Variants in TMTC2 observed in about 807,000 individuals in gnomAD.
The protein encoded by TMTC2 is protein O-mannosyl-transferase TMTC2.
Under a neutral mutation model 82.4 loss-of-function variants are expected in TMTC2, and 43 were observed. That is an observed-to-expected ratio of 0.52 (90% CI 0.41 to 0.67). The LOEUF (loss-of-function observed/expected upper bound fraction) is 0.67, where lower values mean the gene tolerates loss of function less well. TMTC2 is among the 30% of genes least tolerant of loss of function. The probability of loss-of-function intolerance (pLI) is 0.00; values close to 1 mark genes in which losing one functional copy is unlikely to be tolerated. For synonymous variants in TMTC2, 408 were observed against 381.9 expected, an observed-to-expected ratio of 1.07 and a Z score of -0.80; for missense variants, 919 against 1,012.4, an observed-to-expected ratio of 0.91 and a Z score of 1.25.
In TMTC2 at chr12:83,114,208, G is replaced by C. The variant is rs183542152; in HGVS notation, c.2332-18002G>C. Among the ~76,000 whole-genome samples the C allele has an allele frequency of 1.7e-4, 26 of 152,228 alleles. No individual in the cohort carries two copies. The East Asian group carries it at 4.8e-3, about 28-fold the overall frequency. ...AGGTGGGGCCTTTGGGAGGTAATTAGAGTAGGTTAGGTCATGAGGGTGGAG... is the reference window on the plus strand; with the variant it reads ...AGGTGGGGCCTTTGGGAGGTAATTACAGTAGGTTAGGTCATGAGGGTGGAG... On this transcript the variant is annotated intron_variant, in intron 11 of 11. Transcript: ENST00000321196.
chr12:82,994,006 C>G (rs552508884), intron 8 of TMTC2, among the ~76,000 whole-genome samples: 1 of 152,184 alleles, frequency 6.6e-6, no homozygotes, highest in South Asian at 2.1e-4. Flanking sequence ...GAGCAGCGTG[C>G]ATGTAACAGG....
intron 4 of TMTC2, among the ~76,000 whole-genome samples, chr12:82,931,946 G>A (rs1312106473): frequency 6.6e-6 from 1 of 152,090 alleles, no homozygotes; most frequent in Non-Finnish European, 1.5e-5. Context: ...CACCTCCAGA[G>A]TTGGAATGGA....
chr12:83,030,088 A>G (rs940016490), intron 8 of TMTC2, among the ~76,000 whole-genome samples: 3 of 152,088 alleles, frequency 2.0e-5, no homozygotes, highest in African/African-American at 7.2e-5. Context: ...TTTTCATTAC[A>G]GGCCTGTAAA....
chr12:83,008,685 T>C lies in TMTC2; in HGVS notation c.2071-22113T>C, dbSNP rs555233408. Among the ~76,000 whole-genome samples the C allele has an allele frequency of 2.4e-3, 369 of 152,344 alleles. 2 individuals are homozygous for C. Among genetic ancestry groups the C allele is most frequent in the African/African-American group, 8.4e-3 (351 of 41,582 alleles). On this transcript the variant is annotated intron_variant, in intron 8 of 11. Coordinates refer to ENST00000321196, the MANE Select transcript of TMTC2 (RefSeq NM_152588.3). Reference sequence around the variant, plus strand: ...ACTTTGTTTTTCTAATCTTTTGCCATGTCTCATGTTTTTTTGATGAATGCA... The same window carrying C: ...ACTTTGTTTTTCTAATCTTTTGCCACGTCTCATGTTTTTTTGATGAATGCA...
chr12:83,129,296 T>G (rs1885190830), intron 11 of TMTC2, among the ~76,000 whole-genome samples: 1 of 152,124 alleles, frequency 6.6e-6, no homozygotes, highest in Non-Finnish European at 1.5e-5. Flanking sequence ...CTGGGAGCGG[T>G]TATCCCATGG....
intron 11 of TMTC2, among the ~76,000 whole-genome samples, chr12:83,077,880 C>A (rs996617883): frequency 1.1e-5 from 1 of 92,956 alleles, no homozygotes; most frequent in Admixed American, 1.3e-4. Context: ...GACAATCTGT[C>A]TTTTTTTTTT....
At chr12:82,827,655 TTTC>T (rs1429283631) in intron 1 of TMTC2, among the ~76,000 whole-genome samples, 1 of 151,750 alleles carries the variant, frequency 6.6e-6, no homozygotes, top group African/African-American at 2.4e-5. Context: ...TTCTTTCTTT[TTTC>T]TTTTCTTTTC....
At chr12:82,713,332 CA>C (rs201602876) in intron 1 of TMTC2, among the ~76,000 whole-genome samples, 3 of 147,740 alleles carry the variant, frequency 2.0e-5, no homozygotes, top group African/African-American at 2.5e-5. Flanking sequence ...AAAAGAAAAA[CA>C]AAAAAAAACA....
chr12:82,821,366 C>G (rs1411350119), intron 1 of TMTC2, among the ~76,000 whole-genome samples: 5 of 152,072 alleles, frequency 3.3e-5, no homozygotes, highest in African/African-American at 1.2e-4. Context: ...ATTCATGATG[C>G]CAAGTTTGTA....
At chr12:82,737,155 T>A (rs1875167809) in intron 1 of TMTC2, among the ~76,000 whole-genome samples, 1 of 152,224 alleles carries the variant, frequency 6.6e-6, no homozygotes, top group African/African-American at 2.4e-5. Flanking sequence ...CTTTTCTTTA[T>A]ACAATTTTAA....
chr12:82,821,519 AT>A (rs1326782938), intron 1 of TMTC2, among the ~76,000 whole-genome samples: 2 of 152,154 alleles, frequency 1.3e-5, no homozygotes, highest in Admixed American at 6.5e-5. Flanking sequence ...GCTTAGAAAG[AT>A]TAAGTAACTT....
intron 1 of TMTC2, among the ~76,000 whole-genome samples, chr12:82,698,717 A>G (rs1459969351): frequency 6.6e-6 from 1 of 152,224 alleles, no homozygotes; most frequent in Non-Finnish European, 1.5e-5. Context: ...AATAACTAAT[A>G]ACAAAATAGA....
chr12:82,966,250 C>G (rs1168665273), intron 6 of TMTC2, among the ~76,000 whole-genome samples: 3 of 152,010 alleles, frequency 2.0e-5, no homozygotes, highest in Non-Finnish European at 4.4e-5. Flanking sequence ...TTTATTATTT[C>G]TTAACTGAGG....
chr12:82,697,727 T>C (rs1194872882), intron 1 of TMTC2, among the ~76,000 whole-genome samples: 1 of 152,162 alleles, frequency 6.6e-6, no homozygotes, highest in Non-Finnish European at 1.5e-5. Context: ...AAGATGACTG[T>C]GGGGGCAGAT....
intron 7 of TMTC2, among the ~76,000 whole-genome samples, chr12:82,972,805 G>T (rs912949948): frequency 1.3e-5 from 2 of 152,170 alleles, no homozygotes; most frequent in Non-Finnish European, 2.9e-5. Context: ...AGCAGAAGGA[G>T]CATAAAGGAA....
intron 11 of TMTC2, among the ~76,000 whole-genome samples, chr12:83,120,880 T>G (rs1488703747): frequency 6.6e-6 from 1 of 152,200 alleles, no homozygotes; most frequent in Non-Finnish European, 1.5e-5. Flanking sequence ...CTTTGTTGGA[T>G]TAGGTTAATT....
intron 4 of TMTC2, among the ~76,000 whole-genome samples, chr12:82,943,881 G>T (rs1876851527): frequency 6.6e-6 from 1 of 152,170 alleles, no homozygotes; most frequent in Non-Finnish European, 1.5e-5. Flanking sequence ...AAGTCTGGAT[G>T]TAAAAATAGA....
chr12:83,107,925 GA>G (rs1339661987), intron 11 of TMTC2, among the ~76,000 whole-genome samples: 1 of 151,644 alleles, frequency 6.6e-6, no homozygotes, highest in Non-Finnish European at 1.5e-5. Context: ...GGAGGTGACT[GA>G]ATCAAGGGGA....
At chr12:82,884,618 A>G (rs546600387) in intron 2 of TMTC2, among the ~76,000 whole-genome samples, 1 of 152,344 alleles carries the variant, frequency 6.6e-6, no homozygotes, top group East Asian at 1.9e-4. Context: ...CCATTTAAAA[A>G]TTTATTTTTT....
Sources: allele counts gnomAD v4.1 joint callset (sites outside exome capture counted in the v4.1 genomes callset), GRCh38; gene constraint gnomAD v4.1.1; transcripts MANE v1.5; gene names NCBI Gene and HGNC (gene_info 2026-07-23, HGNC 2026-07-21).